Variants in PHIP observed in about 807,000 individuals in gnomAD.
PHIP encodes PHIP subunit of CUL4-Ring ligase complex, also known as PH-interacting protein.
A neutral mutation model predicts 236.8 loss-of-function variants in PHIP; 54 were observed. The ratio of observed to expected loss-of-function variants is 0.23; its 90% CI spans 0.18 to 0.29. PHIP has a LOEUF of 0.29. Among genes scored for constraint, PHIP ranks in the 10% least tolerant of loss-of-function variants. The pLI, the probability that PHIP is intolerant of heterozygous loss-of-function variation, is 1.00. For synonymous variants in PHIP, 756 were observed against 718.9 expected (o/e 1.05, Z -0.83); for missense variants, 1,370 against 2,190.8 (o/e 0.63, Z 7.48).
At position 78,938,978 on chromosome 6, in the gene PHIP, T is replaced by C. The variant is rs1412494567; in HGVS notation, c.*1715A>G. Reference sequence around the variant, plus strand: ...TTTTTCTACATCAGGGTCATGCTGATACATATTTTCCCCATCCTCACTTTT... The same window carrying C: ...TTTTTCTACATCAGGGTCATGCTGACACATATTTTCCCCATCCTCACTTTT... On this transcript the variant is annotated 3_prime_UTR_variant, in exon 40 of 40. Coordinates refer to ENST00000275034, the MANE Select transcript of PHIP (RefSeq NM_017934.7). 1.3e-5 allele frequency: 2 copies of C among 151,776 alleles called. No homozygotes were observed. The highest frequency in any genetic ancestry group is 4.8e-5 in the African/African-American group (2 of 41,442). 9.4% of individuals were successfully genotyped at this position (151,776 alleles called of 1,614,324 possible). A position where few individuals can be genotyped will look rare whatever the true frequency, so the allele number is the denominator to read the frequency against.
intron 20 of PHIP, among the ~76,000 whole-genome samples, chr6:78,990,289 A>G (rs756880261): frequency 5.3e-5 from 8 of 152,194 alleles, no homozygotes; most frequent in East Asian, 1.9e-4. Context: ...GGAAAAAGCG[A>G]TATTTGTGAT....
At chr6:78,964,649 C>T (rs973710895) in intron 29 of PHIP, among the ~76,000 whole-genome samples, 2 of 152,044 alleles carry the variant, frequency 1.3e-5, no homozygotes, top group African/African-American at 2.4e-5. Flanking sequence ...CACGCCACCA[C>T]GCCAGGCTAA....
At chr6:78,947,920 T>C (rs1773916144) in intron 35 of PHIP, 145 bp from the exon 36 acceptor site, 1 of 453,248 alleles carries the variant, frequency 2.2e-6, no homozygotes. Flanking sequence ...CAAGAGTCCC[T>C]TTTTTCTAAT....
At chr6:78,987,400 T>G (rs1448378468) in intron 21 of PHIP, among the ~76,000 whole-genome samples, 1 of 152,130 alleles carries the variant, frequency 6.6e-6, no homozygotes, top group African/African-American at 2.4e-5. Context: ...CCTGGCTATA[T>G]GAGGACCCAA....
At chr6:79,031,962 G>A (rs948782240) in intron 7 of PHIP, among the ~76,000 whole-genome samples, 1 of 152,094 alleles carries the variant, frequency 6.6e-6, no homozygotes, top group Non-Finnish European at 1.5e-5. Context: ...CCTAGATACC[G>A]CAGGCTCAGT....
chr6:78,982,344 C>G (rs921191778), intron 23 of PHIP, among the ~76,000 whole-genome samples: 1 of 151,988 alleles, frequency 6.6e-6, no homozygotes, highest in Non-Finnish European at 1.5e-5. Context: ...CAAATCAATA[C>G]TGCTACTGAC....
At chr6:78,958,627 T>C in intron 31 of PHIP, 27 bp from the exon 32 acceptor site, 3 of 1,396,284 alleles carry the variant, frequency 2.1e-6, no homozygotes, top group Non-Finnish European at 3.0e-6. Context: ...ATAGAAGTTT[T>C]AACTTCCTTA....
At chr6:78,984,985 A>G (rs1482237309) in intron 22 of PHIP, among the ~76,000 whole-genome samples, 1 of 152,156 alleles carries the variant, frequency 6.6e-6, no homozygotes, top group Non-Finnish European at 1.5e-5. Flanking sequence ...TCCTCTTATC[A>G]TTAGTATTCC....
intron 32 of PHIP, chr6:78,956,550 T>C (rs2127692795): frequency 6.6e-6 from 1 of 152,246 alleles, no homozygotes; most frequent in South Asian, 2.1e-4. Context: ...TCTCAGAGCT[T>C]ATATTTTAGA....
Position 78,941,462 on chromosome 6 carries a change from A to C in PHIP, c.4829-132T>G, listed in dbSNP as rs1317840619. ...CCAAATTATTTTATTAAAATGAGAA[A>C]AAAGAACCTAGAAAACACTAATAGT... On this transcript the variant is annotated intron_variant, in intron 39 of 39. Coordinates refer to ENST00000275034, the MANE Select transcript of PHIP (RefSeq NM_017934.7). 3 of 573,482 alleles carry C rather than the reference A, an allele frequency of 5.2e-6. No individual in the cohort carries two copies. The East Asian group carries it at 8.5e-5, about 16-fold the overall frequency. The allele number at this position is 573,482 out of a possible 1,614,324, so 35.5% of individuals were successfully genotyped here. A position where few individuals can be genotyped will look rare whatever the true frequency, so the allele number is the denominator to read the frequency against.
chr6:78,963,717 A>G (rs1205409201), intron 29 of PHIP, among the ~76,000 whole-genome samples: 1 of 152,190 alleles, frequency 6.6e-6, no homozygotes, highest in Non-Finnish European at 1.5e-5. Context: ...TATGCTTATT[A>G]CTCATAAATT....
intron 7 of PHIP, among the ~76,000 whole-genome samples, chr6:79,036,913 C>T (rs1771963813): frequency 8.6e-6 from 1 of 116,686 alleles, no homozygotes; most frequent in African/African-American, 3.4e-5. Flanking sequence ...CAGAGCAAGA[C>T]TCCGTCTCAA....
At chr6:78,974,751 G>T (rs1180535782) in intron 24 of PHIP, among the ~76,000 whole-genome samples, 1 of 151,888 alleles carries the variant, frequency 6.6e-6, no homozygotes. Flanking sequence ...ACACTTCTAC[G>T]CAAATAAACT....
At chr6:78,992,644 T>C (rs1002081127) in intron 19 of PHIP, among the ~76,000 whole-genome samples, 10 of 152,090 alleles carry the variant, frequency 6.6e-5, no homozygotes, top group Non-Finnish European at 1.3e-4. Context: ...AGATCTGTTG[T>C]CAGTAATTTT....
chr6:79,041,795 G>A (rs1772229981), intron 7 of PHIP, among the ~76,000 whole-genome samples: 1 of 152,038 alleles, frequency 6.6e-6, no homozygotes, highest in Non-Finnish European at 1.5e-5. Flanking sequence ...AAGAAGTGAT[G>A]TGCAAATGCC....
intron 4 of PHIP, among the ~76,000 whole-genome samples, chr6:79,069,051 G>C (rs1773761903): frequency 6.6e-6 from 1 of 151,626 alleles, no homozygotes; most frequent in South Asian, 2.1e-4. Flanking sequence ...TTACACTTCT[G>C]CTCTCTATTA....
intron 31 of PHIP, among the ~76,000 whole-genome samples, chr6:78,961,169 ACT>A (rs924113534): frequency 2.0e-5 from 3 of 152,092 alleles, no homozygotes; most frequent in African/African-American, 7.2e-5. Context: ...GGGCCATTTA[ACT>A]CTAATTCTTT....
At chr6:78,975,812 T>A (rs1048817922) in intron 24 of PHIP, among the ~76,000 whole-genome samples, 4 of 150,500 alleles carry the variant, frequency 2.7e-5, no homozygotes, top group African/African-American at 9.7e-5. Flanking sequence ...GAATCCAACT[T>A]ACAAGGGATG....
intron 31 of PHIP, among the ~76,000 whole-genome samples, chr6:78,959,119 C>A (rs1397887561): frequency 6.6e-6 from 1 of 152,008 alleles, no homozygotes; most frequent in African/African-American, 2.4e-5. Flanking sequence ...AGAAACCTAA[C>A]TAAATGAGAA....
Sources: gnomAD v4.1 joint callset for allele counts (sites outside exome capture counted in the v4.1 genomes callset) on GRCh38, gnomAD v4.1.1 for gene constraint, MANE v1.5 for transcripts, NCBI Gene and HGNC (gene_info 2026-07-23, HGNC 2026-07-21) for gene names.